The following PDE1C variants were observed in gnomAD, a reference collection of about 807,000 sequenced individuals.
PDE1C encodes the protein dual specificity calcium/calmodulin-dependent 3',5'-cyclic nucleotide phosphodiesterase 1C.
A neutral mutation model predicts 93.1 loss-of-function variants in PDE1C; 62 were observed. The ratio of observed to expected loss-of-function variants is 0.67; its 90% CI spans 0.54 to 0.82. The LOEUF (loss-of-function observed/expected upper bound fraction) is 0.82. Ranked by LOEUF, PDE1C falls within the 40% of genes least tolerant of loss-of-function variation. The probability of loss-of-function intolerance (pLI) is 0.00; values close to 1 mark genes in which losing one functional copy is unlikely to be tolerated. For synonymous variants in PDE1C, 325 were observed against 310.1 expected, an observed-to-expected ratio of 1.05 and a Z score of -0.50; for missense variants, 742 against 884.6, an observed-to-expected ratio of 0.84 and a Z score of 2.04.
At chr7:32,182,587 C>T (rs955735311) in intron 2 of PDE1C, among the ~76,000 whole-genome samples, 12 of 152,144 alleles carry the variant, frequency 7.9e-5, no homozygotes, top group East Asian at 3.9e-4. Context: ...AGACCTTTGA[C>T]GAAATTCAAC....
chr7:32,041,620 ACT>A (rs1474722167), intron 2 of PDE1C, among the ~76,000 whole-genome samples: 1 of 152,134 alleles, frequency 6.6e-6, no homozygotes, highest in Non-Finnish European at 1.5e-5. Flanking sequence ...TTTGTTATTT[ACT>A]TTTTTTATGC....
intron 14 of PDE1C, 33 bp downstream of exon 14, chr7:31,823,040 T>A (rs1304813513): frequency 6.5e-7 from 1 of 1,536,318 alleles, no homozygotes; most frequent in South Asian, 1.3e-5. Context: ...TGTTTTATGC[T>A]GAATTGGTTT....
rs115817781 is a variant in PDE1C, at chr7:32,118,351, G to C, written c.308+51434C>G. On this transcript the variant is annotated intron_variant, in intron 3 of 18. Transcript: ENST00000396193. ...CTGTTCAAGAATATATAAGTGCTAA[G>C]GTCCTTGCATGATTCAGTAGAGAGG... Among the ~76,000 whole-genome samples the C allele has an allele frequency of 4.7e-3, 709 of 152,264 alleles. 7 individuals are homozygous for C. The highest frequency in any genetic ancestry group is 0.016 in the African/African-American group (649 of 41,542).
chr7:32,196,285 T>C (rs1007198176), intron 2 of PDE1C, among the ~76,000 whole-genome samples: 4 of 152,128 alleles, frequency 2.6e-5, no homozygotes, highest in African/African-American at 9.7e-5. Flanking sequence ...TCTGTGATGT[T>C]TGGAGGGAGT....
intron 11 of PDE1C, among the ~76,000 whole-genome samples, chr7:31,832,592 T>A (rs1277147226): frequency 6.6e-6 from 1 of 152,222 alleles, no homozygotes; most frequent in African/African-American, 2.4e-5. Flanking sequence ...AGTTAAGAAC[T>A]GAGGCAGCAT....
chr7:32,063,543 TTAAC>T (rs756387204), intron 1 of PDE1C, among the ~76,000 whole-genome samples: 2 of 152,232 alleles, frequency 1.3e-5, no homozygotes, highest in Non-Finnish European at 2.9e-5. Context: ...TGAGTTGTAA[TTAAC>T]TAATACACTA....
intron 2 of PDE1C, among the ~76,000 whole-genome samples, chr7:31,983,355 T>G (rs545866185): frequency 6.6e-6 from 1 of 151,844 alleles, no homozygotes; most frequent in Non-Finnish European, 1.5e-5. Flanking sequence ...ATCAGGAGAG[T>G]TGGGGAAGCT....
intron 16 of PDE1C, among the ~76,000 whole-genome samples, chr7:31,803,865 C>T (rs994170921): frequency 1.4e-4 from 21 of 151,898 alleles, no homozygotes; most frequent in Admixed American, 2.0e-4. Context: ...CATTCGTGAG[C>T]GTGTGTCTTT....
At chr7:31,929,598 T>G (rs1263382280) in intron 2 of PDE1C, among the ~76,000 whole-genome samples, 1 of 152,106 alleles carries the variant, frequency 6.6e-6, no homozygotes, top group Non-Finnish European at 1.5e-5. Flanking sequence ...CAGACAACAG[T>G]GCAATCAAAT....
At chr7:31,938,478 T>C (rs1032680878) in intron 2 of PDE1C, among the ~76,000 whole-genome samples, 42 of 152,134 alleles carry the variant, frequency 2.8e-4, no homozygotes, top group African/African-American at 1.0e-3. Flanking sequence ...TCATATTCAA[T>C]ATTATTGGTA....
intron 3 of PDE1C, among the ~76,000 whole-genome samples, chr7:32,149,256 G>A (rs77799025): frequency 0.022 from 3,398 of 152,302 alleles, 52 homozygotes; most frequent in Non-Finnish European, 0.035. Flanking sequence ...ATTAGGGGAA[G>A]GGTCAAAGCA....
At chr7:31,830,128 C>T (rs1316382618) in intron 11 of PDE1C, among the ~76,000 whole-genome samples, 2 of 145,594 alleles carry the variant, frequency 1.4e-5, no homozygotes, top group East Asian at 2.1e-4. Context: ...TGTGTAGACT[C>T]GACTAATAAA....
At chr7:31,972,078 C>T (rs1007644720) in intron 2 of PDE1C, among the ~76,000 whole-genome samples, 3 of 152,152 alleles carry the variant, frequency 2.0e-5, no homozygotes, top group Admixed American at 2.0e-4. Context: ...AAAAATCATA[C>T]ACTCGTAAAT....
chr7:32,419,762 G>A (rs396983), intron 1 of PDE1C, among the ~76,000 whole-genome samples: 3 of 151,526 alleles, frequency 2.0e-5, no homozygotes, highest in Middle Eastern at 3.4e-3. Flanking sequence ...TGCCTCTTGC[G>A]CTCTTGGTGC....
At chr7:32,269,259 G>A (rs200720820) in intron 1 of PDE1C, among the ~76,000 whole-genome samples, 4 of 152,078 alleles carry the variant, frequency 2.6e-5, no homozygotes, top group Admixed American at 2.6e-4. Context: ...AGCCAGGGGG[G>A]GTGAGATGCT....
At chr7:31,786,597 A>G (rs1197845438) in intron 16 of PDE1C, 1 of 152,150 alleles carries the variant, frequency 6.6e-6, no homozygotes, top group African/African-American at 2.4e-5. Context: ...CCGTGTTCCA[A>G]ACACTGTGGT....
At chr7:32,063,775 C>T (rs1795073861) in intron 1 of PDE1C, among the ~76,000 whole-genome samples, 1 of 152,208 alleles carries the variant, frequency 6.6e-6, no homozygotes, top group Admixed American at 6.5e-5. Context: ...AAATGTCTCC[C>T]TTCTCTGAAT....
upstream of PDE1C, among the ~76,000 whole-genome samples, chr7:32,300,555 G>A (rs576318696): frequency 2.6e-5 from 4 of 152,268 alleles, no homozygotes; most frequent in East Asian, 7.7e-4. Context: ...CCACTTACCA[G>A]CTACATGGCC....
the PDE1C span, among the ~76,000 whole-genome samples, chr7:31,677,852 T>C: frequency 6.6e-6 from 1 of 152,140 alleles, no homozygotes; most frequent in South Asian, 2.1e-4. Flanking sequence ...ATTATCTCTA[T>C]TTACATGTGA....
Sources: allele counts gnomAD v4.1 joint callset (sites outside exome capture counted in the v4.1 genomes callset), GRCh38; gene constraint gnomAD v4.1.1; transcripts MANE v1.5; gene names NCBI Gene and HGNC (gene_info 2026-07-23, HGNC 2026-07-21).